Variants in CCSER1 observed in about 807,000 individuals in gnomAD.
CCSER1 encodes coiled-coil serine rich protein 1, also known as serine-rich coiled-coil domain-containing protein 1.
CCSER1 carries 41 observed loss-of-function variants against 82.0 expected under a neutral mutation model. That is an observed-to-expected ratio of 0.50 (90% CI 0.39 to 0.65). The LOEUF is 0.65. Ranked by LOEUF, CCSER1 falls within the 30% of genes least tolerant of loss-of-function variation. CCSER1 has a pLI of 0.00. For missense variants in CCSER1, 1,119 were observed against 1,064.2 expected (o/e 1.05, Z -0.72); for synonymous variants, 414 against 383.9 (o/e 1.08, Z -0.92).
rs866328595 is a variant in CCSER1 at position 90,930,945 on chromosome 4, T to C, written c.2172+7498T>C. 8.9e-4 allele frequency among the ~76,000 whole-genome samples: 113 copies of C among 127,404 alleles called. 2 individuals are homozygous for C. The East Asian group carries it at 0.016, about 19-fold the overall frequency. 83.6% of individuals were successfully genotyped at this position (127,404 alleles called of 152,430 possible). On this transcript the variant is annotated intron_variant, in intron 9 of 10. Transcript: ENST00000509176. ...ATATATATATATATATATATACACA[T>C]GACATATATATACATACATGATACA...
intron 10 of CCSER1, among the ~76,000 whole-genome samples, chr4:91,474,338 G>A (rs1479345786): frequency 3.3e-5 from 5 of 151,526 alleles, no homozygotes; most frequent in Admixed American, 2.0e-4. Flanking sequence ...ATTAATAATG[G>A]ATAATAAATT....
rs942280422 is a variant in CCSER1 at position 91,170,371 on chromosome 4, G to T, written c.2217+84377G>T. 5.9e-5 allele frequency among the ~76,000 whole-genome samples: 9 copies of T among 152,222 alleles called. 1 individual carries two copies. Among genetic ancestry groups the T allele is most frequent in the East Asian group, 1.9e-4 (1 of 5,178 alleles). ...AATCTAATAAAAAGGAGCAGGAAAA[G>T]CATATGCCAATGAAGCAAAAAATGA... On this transcript the variant is annotated intron_variant, in intron 10 of 10. Transcript: ENST00000509176.
intron 4 of CCSER1, among the ~76,000 whole-genome samples, chr4:90,412,672 T>C (rs1755074322): frequency 6.6e-6 from 1 of 152,048 alleles, no homozygotes; most frequent in African/African-American, 2.4e-5. Flanking sequence ...ATCATCTCAA[T>C]AGAATTAGAA....
intron 6 of CCSER1, among the ~76,000 whole-genome samples, chr4:90,628,647 A>G (rs1433571535): frequency 6.6e-6 from 1 of 152,180 alleles, no homozygotes; most frequent in Non-Finnish European, 1.5e-5. Context: ...TTTTGTTCCA[A>G]TAATCAGAAT....
chr4:90,595,927 A>G (rs970131111), intron 5 of CCSER1, among the ~76,000 whole-genome samples: 8 of 151,932 alleles, frequency 5.3e-5, no homozygotes, highest in African/African-American at 1.7e-4. Context: ...AACCTCTTAT[A>G]TAAAGACAGG....
intron 10 of CCSER1, among the ~76,000 whole-genome samples, chr4:91,543,958 C>A (rs1407004635): frequency 6.6e-6 from 1 of 152,150 alleles, no homozygotes; most frequent in Non-Finnish European, 1.5e-5. Flanking sequence ...TAGATTTGGT[C>A]TTTTCACATA....
chr4:90,578,564 G>C (rs1249047505), intron 5 of CCSER1, among the ~76,000 whole-genome samples: 1 of 152,126 alleles, frequency 6.6e-6, no homozygotes, highest in Non-Finnish European at 1.5e-5. Context: ...TAGGTTCAAA[G>C]TGATATATTT....
chr4:91,450,790 G>T (rs2149419032), intron 10 of CCSER1, among the ~76,000 whole-genome samples: 1 of 152,044 alleles, frequency 6.6e-6, no homozygotes, highest in South Asian at 2.1e-4. Context: ...ATTTCTGTGA[G>T]AAACTACTCA....
chr4:90,993,362 A>T (rs1341005164), intron 9 of CCSER1, among the ~76,000 whole-genome samples: 1 of 152,046 alleles, frequency 6.6e-6, no homozygotes, highest in Non-Finnish European at 1.5e-5. Context: ...ACAGTTTTTA[A>T]AAAGCTTCCA....
chr4:90,307,647 A>AT (rs953498911), intron 1 of CCSER1, among the ~76,000 whole-genome samples: 1 of 151,936 alleles, frequency 6.6e-6, no homozygotes, highest in African/African-American at 2.4e-5. Flanking sequence ...TTAAAGCATA[A>AT]TTTAAAAAAA....
intron 3 of CCSER1, among the ~76,000 whole-genome samples, chr4:90,341,195 T>A (rs961195972): frequency 2.5e-4 from 38 of 152,100 alleles, no homozygotes; most frequent in African/African-American, 8.0e-4. Flanking sequence ...CATAGATAAA[T>A]TTTTAACAGA....
intron 10 of CCSER1, among the ~76,000 whole-genome samples, chr4:91,537,728 A>C (rs991694684): frequency 1.3e-5 from 2 of 152,042 alleles, no homozygotes; most frequent in African/African-American, 4.8e-5. Context: ...ATGACTTAAA[A>C]AAATGAATCA....
chr4:91,273,253 T>A (rs565566837), intron 10 of CCSER1, among the ~76,000 whole-genome samples: 68 of 152,302 alleles, frequency 4.5e-4, no homozygotes, highest in Non-Finnish European at 7.9e-4. Context: ...TCCATTTGTT[T>A]GGGTCATCTG....
intron 10 of CCSER1, among the ~76,000 whole-genome samples, chr4:91,440,785 C>G (rs1479830519): frequency 1.3e-5 from 2 of 151,972 alleles, no homozygotes; most frequent in Non-Finnish European, 2.9e-5. Flanking sequence ...TGATAAAGGG[C>G]ATATCACCAC....
intron 1 of CCSER1, among the ~76,000 whole-genome samples, chr4:90,176,693 G>A (rs1186267225): frequency 6.6e-6 from 1 of 152,004 alleles, no homozygotes; most frequent in African/African-American, 2.4e-5. Context: ...ATTATTGATA[G>A]TGTGATAGGT....
At chr4:90,728,656 G>GA (rs1744139274) in intron 7 of CCSER1, among the ~76,000 whole-genome samples, 1 of 152,044 alleles carries the variant, frequency 6.6e-6, no homozygotes, top group Non-Finnish European at 1.5e-5. Flanking sequence ...GCAATATAGG[G>GA]AGACCCCCTC....
At chr4:90,129,221 A>G (rs971880630) in intron 1 of CCSER1, among the ~76,000 whole-genome samples, 7 of 151,844 alleles carry the variant, frequency 4.6e-5, no homozygotes, top group Admixed American at 3.9e-4. Context: ...CCTTAGGGAA[A>G]ACGGATAAGA....
chr4:91,409,828 G>T (rs374234978), intron 10 of CCSER1, among the ~76,000 whole-genome samples: 18 of 152,012 alleles, frequency 1.2e-4, no homozygotes, highest in African/African-American at 2.4e-4. Context: ...GATCACAGGC[G>T]CCTGCCACCA....
intron 5 of CCSER1, among the ~76,000 whole-genome samples, chr4:90,478,814 C>G (rs1398668765): frequency 6.7e-6 from 1 of 149,690 alleles, no homozygotes; most frequent in Admixed American, 6.7e-5. Context: ...AATCTCGGCT[C>G]ACTGCAACCT....
Sources: gnomAD v4.1 joint callset for allele counts (sites outside exome capture counted in the v4.1 genomes callset) on GRCh38, gnomAD v4.1.1 for gene constraint, MANE v1.5 for transcripts, NCBI Gene and HGNC (gene_info 2026-07-23, HGNC 2026-07-21) for gene names.